The following PDGFC variants were observed in gnomAD, a reference collection of about 807,000 sequenced individuals.
PDGFC encodes the protein platelet-derived growth factor C.
A neutral mutation model predicts 35.5 loss-of-function variants in PDGFC; 12 were observed. The ratio of observed to expected loss-of-function variants is 0.34; its 90% CI spans 0.22 to 0.55. PDGFC has a LOEUF of 0.55. Among genes scored for constraint, PDGFC ranks in the 20% least tolerant of loss-of-function variants. The pLI is 0.91. For missense variants in PDGFC, 322 were observed against 412.4 expected, an observed-to-expected ratio of 0.78 and a Z score of 1.90; for synonymous variants, 159 against 148.8, an observed-to-expected ratio of 1.07 and a Z score of -0.50.
chr4:156,961,853 C>CT (rs1732350877), intron 1 of PDGFC, among the ~76,000 whole-genome samples: 1 of 152,092 alleles, frequency 6.6e-6, no homozygotes, highest in Non-Finnish European at 1.5e-5. Context: ...GAAAATAGCT[C>CT]TTTGTTTACA....
intron 3 of PDGFC, among the ~76,000 whole-genome samples, chr4:156,798,218 CA>C (rs1218356912): frequency 1.3e-5 from 2 of 151,980 alleles, no homozygotes; most frequent in African/African-American, 4.8e-5. Flanking sequence ...AAAACAAAAA[CA>C]AAACAACAAC....
rs111348615 is a variant in PDGFC, at chr4:156,783,606, C to G, written c.496-10713G>C. ...TCTCTCTATATATACACGACTACCT[C>G]TAAGCTGGTCGACCTTTGTGATCCA... is the stretch of plus-strand genomic sequence containing the variant. On this transcript the variant is annotated intron_variant, in intron 3 of 5. Transcript: ENST00000502773. 5.3e-3 allele frequency among the ~76,000 whole-genome samples: 810 copies of G among 152,282 alleles called. 11 individuals are homozygous for G. The highest frequency in any genetic ancestry group is 0.018 in the African/African-American group (736 of 41,564).
At chr4:156,931,413 G>A (rs999792659) in intron 1 of PDGFC, among the ~76,000 whole-genome samples, 1 of 152,120 alleles carries the variant, frequency 6.6e-6, no homozygotes, top group Non-Finnish European at 1.5e-5. Context: ...AGTCACCCAG[G>A]ATTGCATTCA....
intron 3 of PDGFC, among the ~76,000 whole-genome samples, chr4:156,788,665 A>T (rs978745007): frequency 5.3e-5 from 8 of 152,234 alleles, no homozygotes; most frequent in Non-Finnish European, 8.8e-5. Flanking sequence ...CAGTGTAAGC[A>T]GTAGAGTTTC....
intron 1 of PDGFC, among the ~76,000 whole-genome samples, chr4:156,877,513 C>T (rs1165404096): frequency 1.3e-5 from 2 of 151,758 alleles, no homozygotes; most frequent in African/African-American, 2.4e-5. Context: ...TCTTCTTTAC[C>T]GACTCCATTC....
intron 1 of PDGFC, among the ~76,000 whole-genome samples, chr4:156,904,946 A>C (rs962070266): frequency 3.3e-5 from 5 of 152,142 alleles, no homozygotes; most frequent in Non-Finnish European, 5.9e-5. Context: ...GCTCAATACA[A>C]GCACATGTTA....
At chr4:156,833,191 C>G (rs939934260) in intron 2 of PDGFC, among the ~76,000 whole-genome samples, 2 of 152,224 alleles carry the variant, frequency 1.3e-5, no homozygotes, top group African/African-American at 4.8e-5. Context: ...CACAACACAG[C>G]ATTTAATTTA....
At chr4:156,796,079 T>C (rs1163138940) in intron 3 of PDGFC, among the ~76,000 whole-genome samples, 1 of 152,196 alleles carries the variant, frequency 6.6e-6, no homozygotes, top group Non-Finnish European at 1.5e-5. Context: ...ATGATAGATG[T>C]TGTGCTCCAA....
Position 156,891,405 on chromosome 4 carries a change from C to T in PDGFC, c.119-40989G>A, listed in dbSNP as rs542603172. Reference sequence around the variant, plus strand: ...TGTTGTTGACCAAAATGTTGTTTTGCAGCATGTGCCTCTACACGCACAAGA... The same window carrying T: ...TGTTGTTGACCAAAATGTTGTTTTGTAGCATGTGCCTCTACACGCACAAGA... On this transcript the variant is annotated intron_variant, in intron 1 of 5. Coordinates refer to ENST00000502773, the MANE Select transcript of PDGFC (RefSeq NM_016205.3). Among the ~76,000 whole-genome samples, 6 of 148,150 alleles carry T rather than the reference C, an allele frequency of 4.0e-5. No individual in the cohort carries two copies. In the East Asian group the frequency reaches 1.2e-3, roughly 31 times the overall value.
At chr4:156,793,565 A>C (rs1243758535) in intron 3 of PDGFC, among the ~76,000 whole-genome samples, 1 of 124,176 alleles carries the variant, frequency 8.1e-6, no homozygotes, top group East Asian at 2.2e-4. Flanking sequence ...ATATATATAA[A>C]ACACTTTAAA....
At chr4:156,815,590 AAAC>A (rs1341101239) in intron 2 of PDGFC, among the ~76,000 whole-genome samples, 3 of 152,192 alleles carry the variant, frequency 2.0e-5, no homozygotes, top group Non-Finnish European at 2.9e-5. Flanking sequence ...TGAAGAGAGA[AAAC>A]AATGATGAAA....
At chr4:156,945,354 T>C (rs1186726118) in intron 1 of PDGFC, among the ~76,000 whole-genome samples, 3,867 of 78,732 alleles carry the variant, frequency 0.049, 197 homozygotes, top group East Asian at 0.13. Flanking sequence ...TATATATATA[T>C]ATATATATAT....
At chr4:156,878,632 C>A (rs1730171243) in intron 1 of PDGFC, among the ~76,000 whole-genome samples, 1 of 152,040 alleles carries the variant, frequency 6.6e-6, no homozygotes, top group Non-Finnish European at 1.5e-5. Context: ...CATTCCTAAT[C>A]AGAAAATGCA....
At chr4:156,956,107 T>C (rs1162208573) in intron 1 of PDGFC, among the ~76,000 whole-genome samples, 4 of 152,042 alleles carry the variant, frequency 2.6e-5, no homozygotes, top group Admixed American at 2.0e-4. Flanking sequence ...GTTTTCAGGA[T>C]GTGACACAGT....
chr4:156,878,068 C>A (rs1730157067), intron 1 of PDGFC, among the ~76,000 whole-genome samples: 1 of 152,136 alleles, frequency 6.6e-6, no homozygotes, highest in East Asian at 1.9e-4. Context: ...CCTTACTTAC[C>A]ACCATGCCCC....
intron 3 of PDGFC, among the ~76,000 whole-genome samples, chr4:156,786,803 C>T (rs1731139593): frequency 6.6e-6 from 1 of 152,118 alleles, no homozygotes. Context: ...CCTGTGTTTT[C>T]ATTTGTTCAC....
At chr4:156,925,816 C>T (rs1197601837) in intron 1 of PDGFC, among the ~76,000 whole-genome samples, 1 of 150,526 alleles carries the variant, frequency 6.6e-6, no homozygotes, top group African/African-American at 2.4e-5. Flanking sequence ...TTTGGGAGGT[C>T]GAGGCGGGTA....
At chr4:156,958,387 G>A (rs946346747) in intron 1 of PDGFC, among the ~76,000 whole-genome samples, 2 of 151,626 alleles carry the variant, frequency 1.3e-5, no homozygotes, top group Non-Finnish European at 2.9e-5. Context: ...ACCATTGTCT[G>A]TTGTTTTTTA....
intron 1 of PDGFC, among the ~76,000 whole-genome samples, chr4:156,953,954 A>G (rs1299596802): frequency 6.6e-6 from 1 of 151,968 alleles, no homozygotes; most frequent in Non-Finnish European, 1.5e-5. Flanking sequence ...AAATATGAAT[A>G]TAAATTAAGA....
Sources: allele counts gnomAD v4.1 joint callset (sites outside exome capture counted in the v4.1 genomes callset), GRCh38; gene constraint gnomAD v4.1.1; transcripts MANE v1.5; gene names NCBI Gene and HGNC (gene_info 2026-07-23, HGNC 2026-07-21).